GNAL: variants seen among roughly 807,000 people sequenced by gnomAD.
GNAL encodes the protein guanine nucleotide-binding protein G(olf) subunit alpha.
In GNAL, 18 loss-of-function variants were observed where a neutral mutation model predicts 55.1. The observed-to-expected ratio is 0.33, with a 90% confidence interval of 0.23 to 0.48. GNAL has a LOEUF of 0.48. Ranked by LOEUF, GNAL falls within the 20% of genes least tolerant of loss-of-function variation. GNAL has a pLI of 0.99. For synonymous variants in GNAL, 253 were observed against 237.0 expected (o/e 1.07, Z -0.62); for missense variants, 412 against 614.1 (o/e 0.67, Z 3.48).
chr18:11,728,830 A>G (rs1201854445), intron 1 of GNAL, among the ~76,000 whole-genome samples: 1 of 152,196 alleles, frequency 6.6e-6, no homozygotes. Context: ...TGTGTAATAC[A>G]AATCAATATT....
At chr18:11,788,914 A>AAATATAT (rs60071996) in intron 4 of GNAL, among the ~76,000 whole-genome samples, 3 of 56,298 alleles carry the variant, frequency 5.3e-5, no homozygotes, top group African/African-American at 3.0e-4. Context: ...AAAAAAAAAA[A>AAATATAT]ATATATATAT....
intron 1 of GNAL, among the ~76,000 whole-genome samples, chr18:11,706,411 G>T (rs1016100675): frequency 6.6e-6 from 1 of 152,156 alleles, no homozygotes; most frequent in African/African-American, 2.4e-5. Context: ...CTCTTTGCTG[G>T]TGGAAGGTCT....
intron 1 of GNAL, among the ~76,000 whole-genome samples, chr18:11,732,309 T>C (rs1240133513): frequency 2.6e-5 from 4 of 152,214 alleles, no homozygotes; most frequent in Admixed American, 2.6e-4. Flanking sequence ...GTATGAAGGG[T>C]TCTAATTTTT....
At chr18:11,843,679 A>G (rs112006328) in intron 5 of GNAL, among the ~76,000 whole-genome samples, 33 of 152,230 alleles carry the variant, frequency 2.2e-4, no homozygotes, top group African/African-American at 5.5e-4. Context: ...TTAAACTAAC[A>G]AAATCGTTAT....
At chr18:11,690,680 A>G (rs530615464) in intron 1 of GNAL, among the ~76,000 whole-genome samples, 8 of 139,552 alleles carry the variant, frequency 5.7e-5, no homozygotes, top group East Asian at 2.1e-4. Flanking sequence ...TCATTGTTCA[A>G]TTCCCACCTA....
chr18:11,817,729 CAGGTG>C, intron 4 of GNAL, among the ~76,000 whole-genome samples: 1 of 151,582 alleles, frequency 6.6e-6, no homozygotes, highest in African/African-American at 2.4e-5. Flanking sequence ...GCTGGGATTG[CAGGTG>C]CGTGCCACAA....
At position 11,885,593 on chromosome 18, in the gene GNAL, G is replaced by A. The variant is rs570650637; in HGVS notation, c.*4458G>A. ...TGTGTGGCTTTTGTAAATTTTGACC[G>A]ATTGCAGCAATTAAATAGTTGATTA... On this transcript the variant is annotated 3_prime_UTR_variant, in exon 12 of 12. Transcript: ENST00000334049. 38 of 1,493,712 alleles carry A rather than the reference G, an allele frequency of 2.5e-5. No individual in the cohort carries two copies. The East Asian group carries it at 2.6e-4, about 10-fold the overall frequency. 92.5% of individuals were successfully genotyped at this position (1,493,712 alleles called of 1,614,324 possible).
intron 11 of GNAL, among the ~76,000 whole-genome samples, chr18:11,879,495 G>A (rs1034430576): frequency 1.3e-5 from 2 of 152,090 alleles, no homozygotes; most frequent in South Asian, 2.1e-4. Flanking sequence ...ATCAAGGTGC[G>A]GGGTCTTCCC....
intron 4 of GNAL, among the ~76,000 whole-genome samples, chr18:11,778,830 C>A (rs2033853576): frequency 6.6e-6 from 1 of 151,682 alleles, no homozygotes; most frequent in Non-Finnish European, 1.5e-5. Context: ...TTCAGATGTT[C>A]CAGAGAATTT....
At chr18:11,851,550 C>G (rs1166063530) in intron 5 of GNAL, 1 of 1,607,834 alleles carries the variant, frequency 6.2e-7, no homozygotes, top group Admixed American at 1.7e-5. Flanking sequence ...ACCTGAAGTT[C>G]GCGGCCAAAG....
chr18:11,776,096 C>T (rs187895871), intron 4 of GNAL, among the ~76,000 whole-genome samples: 9 of 152,302 alleles, frequency 5.9e-5, no homozygotes, highest in African/African-American at 1.7e-4. Context: ...CAACAGCATC[C>T]GCCTCCAGAG....
intron 5 of GNAL, among the ~76,000 whole-genome samples, chr18:11,861,082 C>T (rs1255407490): frequency 3.9e-5 from 6 of 152,188 alleles, no homozygotes; most frequent in Non-Finnish European, 8.8e-5. Flanking sequence ...GCATGAAATG[C>T]TCATGGGCAC....
chr18:11,882,056 G>C lies in GNAL; in HGVS notation c.*921G>C, dbSNP rs896885710. ...AGAATTTAGGATATTTTATCAGGTTGGCACTTTATAAAATACTCCCTGATT... is the reference window on the plus strand; with the variant it reads ...AGAATTTAGGATATTTTATCAGGTTCGCACTTTATAAAATACTCCCTGATT... On this transcript the variant is annotated 3_prime_UTR_variant, in exon 12 of 12. Transcript: ENST00000334049. 4 of 152,212 alleles carry C rather than the reference G, an allele frequency of 2.6e-5. No homozygotes were observed. The highest frequency in any genetic ancestry group is 5.9e-5 in the Non-Finnish European group (4 of 68,030). 9.4% of individuals were successfully genotyped at this position (152,212 alleles called of 1,614,324 possible). A position where few individuals can be genotyped will look rare whatever the true frequency, so the allele number is the denominator to read the frequency against.
intron 1 of GNAL, among the ~76,000 whole-genome samples, chr18:11,699,231 C>T (rs2031497747): frequency 6.6e-6 from 1 of 152,054 alleles, no homozygotes; most frequent in African/African-American, 2.4e-5. Flanking sequence ...GAGTCTCTCT[C>T]TGTTGCCTAG....
At chr18:11,793,931 G>T (rs2034307882) in intron 4 of GNAL, among the ~76,000 whole-genome samples, 1 of 148,342 alleles carries the variant, frequency 6.7e-6, no homozygotes, top group Admixed American at 6.7e-5. Context: ...AAAAAAAAAG[G>T]ACAAAGGACT....
rs759496334 is a variant in GNAL, at chr18:11,884,289, CTA to C, written c.*3156_*3157del. The C allele has an allele frequency of 5.8e-6, 4 of 691,362 alleles. No individual in the cohort carries two copies. Among genetic ancestry groups the C allele is most frequent in the South Asian group, 1.8e-5 (1 of 55,654 alleles). 42.8% of individuals were successfully genotyped at this position (691,362 alleles called of 1,614,324 possible). ...TATAGCATGAGAACAGTACAATCAA[CTA>C]TTTATTTTGCAGTTACTCATTTCAG... On this transcript the variant is annotated 3_prime_UTR_variant, in exon 12 of 12. Transcript: ENST00000334049.
At chr18:11,694,313 A>T (rs1031003889) in intron 1 of GNAL, among the ~76,000 whole-genome samples, 36 of 152,080 alleles carry the variant, frequency 2.4e-4, no homozygotes, top group Admixed American at 2.2e-3. Flanking sequence ...ACTGGGGTAC[A>T]TTGCTCCATA....
At position 11,753,910 on chromosome 18, in the gene GNAL, A is replaced by G; in HGVS notation, c.589A>G (p.Ser197Gly). 6.2e-7 allele frequency: 1 copy of G among 1,609,944 alleles called. No individual in the cohort carries two copies. Among genetic ancestry groups the G allele is most frequent in the Non-Finnish European group, 8.5e-7 (1 of 1,176,192 alleles). ...ENQFRSDYIK[S>G]IAPITDFEYS... ...CCAATTTCGATCAGACTACATCAAG[A>G]GCATAGCCCCTATCACTGACTTTGA... Residue 197 changes from serine (S) to glycine (G), a missense_variant, in exon 4 of 12, where the codon AGC becomes GGC. This residue lies in a region of GNAL where 47 missense variants were observed against 82.7 expected (regional missense o/e 0.57). Coordinates refer to ENST00000334049, the MANE Select transcript of GNAL (RefSeq NM_182978.4).
chr18:11,694,255 G>T (rs1180072370), intron 1 of GNAL, among the ~76,000 whole-genome samples: 1 of 152,086 alleles, frequency 6.6e-6, no homozygotes, highest in Non-Finnish European at 1.5e-5. Flanking sequence ...GGAAATAAAG[G>T]TTTAACTCCC....
Sources: allele counts gnomAD v4.1 joint callset (sites outside exome capture counted in the v4.1 genomes callset), GRCh38; gene constraint gnomAD v4.1.1; regional missense constraint gnomAD v4.1.1; transcripts MANE v1.5; gene names NCBI Gene and HGNC (gene_info 2026-07-23, HGNC 2026-07-21).